The following NF1 variants were observed in gnomAD, a reference collection of about 807,000 sequenced individuals.
NF1 encodes the protein neurofibromin.
Under a neutral mutation model 325.7 loss-of-function variants are expected in NF1, and 122 were observed. The ratio of observed to expected loss-of-function variants is 0.37; its 90% CI spans 0.32 to 0.44. The LOEUF (loss-of-function observed/expected upper bound fraction) is 0.44, where lower values mean the gene tolerates loss of function less well. Among genes scored for constraint, NF1 ranks in the 20% least tolerant of loss-of-function variants. NF1 has a pLI of 1.00. For synonymous variants in NF1, 1,091 were observed against 1,186.0 expected (o/e 0.92, Z 1.65); for missense variants, 2,140 against 3,415.4 (o/e 0.63, Z 9.31).
rs985215479 is a variant in NF1, at chr17:31,367,911, C to T, written c.8378-6102C>T. Among the ~76,000 whole-genome samples the T allele has an allele frequency of 1.8e-4, 27 of 151,072 alleles. 1 individual carries two copies. The highest frequency in any genetic ancestry group is 1.6e-3 in the Admixed American group (24 of 15,166). On this transcript the variant is annotated intron_variant, in intron 57 of 57. Transcript: ENST00000358273. ...CTTTGGTGAGCTGAGATCGCACCAC[C>T]GCACTCCAGCCTGAGTGACAGAGCA...
intron 5 of NF1, among the ~76,000 whole-genome samples, chr17:31,179,830 T>G (rs1413050311): frequency 6.8e-6 from 1 of 146,376 alleles, no homozygotes; most frequent in African/African-American, 2.5e-5. Context: ...TTTGAAAAGA[T>G]CAACAAAATA....
Position 31,356,973 on chromosome 17 carries a change from T to A in NF1, c.7752T>A (p.Ile2584=), listed in dbSNP as rs2151582205. 1 of 1,613,966 alleles carries A rather than the reference T, an allele frequency of 6.2e-7. No individual in the cohort carries two copies. Among genetic ancestry groups the A allele is most frequent in the Non-Finnish European group, 8.5e-7 (1 of 1,179,954 alleles). The change falls in exon 53 of 58, where the codon ATT becomes ATA. Residue 2584 remains isoleucine, a synonymous_variant. Coordinates refer to ENST00000358273, the MANE Select transcript of NF1 (RefSeq NM_001042492.3). ...ATCTTGCTGCAGAAACTCAGAGGAT[T>A]TCCTCATCACAACAGCACCCACATT... ...ETDYEMETQR[I]SSSQQHPHLR...
intron 1 of NF1, among the ~76,000 whole-genome samples, chr17:31,120,126 G>GT (rs1914303257): frequency 6.6e-6 from 1 of 152,116 alleles, no homozygotes; most frequent in Non-Finnish European, 1.5e-5. Flanking sequence ...ATTTAAAGTA[G>GT]TTTTTTCTAA....
At position 31,159,076 on chromosome 17, in the gene NF1, G is replaced by C. The variant is rs2143646461; in HGVS notation, c.271G>C (p.Glu91Gln). The change falls in exon 3 of 58, where the codon GAA becomes CAA. Residue 91 changes from glutamate to glutamine, a missense_variant. By Grantham distance (29) the Glu-to-Gln change is conservative (BLOSUM62 2). This residue lies in a region of NF1 where 246 missense variants were observed against 347.8 expected (regional missense o/e 0.71). Transcript: ENST00000358273. The part of the protein sequence containing the change: ...LSQLIILDTL[E>Q]KCLAGQPKDT... The stretch of plus-strand genomic sequence containing the variant: ...TCAGTTGATTATATTGGATACACTG[G>C]AAAAATGTCTTGCTGGGGTAAGTAA... 1 of 1,608,576 alleles carries C rather than the reference G, an allele frequency of 6.2e-7. No individual in the cohort carries two copies. Among genetic ancestry groups the C allele is most frequent in the Non-Finnish European group, 8.5e-7 (1 of 1,175,260 alleles).
At chr17:31,322,152 C>T (rs1399286739) in intron 36 of NF1, among the ~76,000 whole-genome samples, 4 of 148,332 alleles carry the variant, frequency 2.7e-5, no homozygotes, top group Admixed American at 2.0e-4. Flanking sequence ...CCTGTCATCA[C>T]CTCAAGTTTA....
intron 36 of NF1, chr17:31,318,234 G>A: frequency 6.6e-7 from 1 of 1,522,860 alleles, no homozygotes. Flanking sequence ...CAACACTTTG[G>A]GATTAAATAC....
chr17:31,277,709 G>T (rs1025189569), intron 36 of NF1, among the ~76,000 whole-genome samples: 1 of 152,082 alleles, frequency 6.6e-6, no homozygotes, highest in African/African-American at 2.4e-5. Context: ...GTTTCTGCAG[G>T]GTCCCAGTGG....
chr17:31,298,582 C>T (rs997882248), intron 36 of NF1, among the ~76,000 whole-genome samples: 4 of 152,076 alleles, frequency 2.6e-5, no homozygotes, highest in East Asian at 1.9e-4. Flanking sequence ...TAATGTTCCT[C>T]GAAAAGTATC....
intron 29 of NF1, 94 bp from the exon 30 acceptor site, chr17:31,248,890 G>T: frequency 8.2e-7 from 1 of 1,217,040 alleles, no homozygotes; most frequent in Non-Finnish European, 1.2e-6. Flanking sequence ...CGTTGCACTT[G>T]GCTTAATGTC....
Position 31,277,223 on chromosome 17 carries a change from A to G in NF1, c.4835+11884A>G, listed in dbSNP as rs17883273. Among the ~76,000 whole-genome samples the G allele has an allele frequency of 7.0e-3, 1,063 of 152,242 alleles. 11 individuals carry two copies. The highest frequency in any genetic ancestry group is 0.024 in the Middle Eastern group (7 of 294). The stretch of plus-strand genomic sequence containing the variant: ...GGCAGAGGTGGAAGTAAACCTCTGT[A>G]TAAGTGGATCAGCATGGTTCAAAGC... On this transcript the variant is annotated intron_variant, in intron 36 of 57. Coordinates refer to ENST00000358273, the MANE Select transcript of NF1 (RefSeq NM_001042492.3).
chr17:31,327,920 G>A, intron 38 of NF1, 81 bp downstream of exon 38: 2 of 1,295,900 alleles, frequency 1.5e-6, no homozygotes, highest in Non-Finnish European at 2.2e-6. Context: ...TTTTAAAACA[G>A]CCTCTACCTT....
chr17:31,286,529 C>T (rs576832509), intron 36 of NF1, among the ~76,000 whole-genome samples: 1 of 151,372 alleles, frequency 6.6e-6, no homozygotes, highest in Admixed American at 6.6e-5. Context: ...TTTGTTAAAG[C>T]AAAAAAAATG....
chr17:31,193,691 AAAC>A (rs1489432831), intron 8 of NF1, among the ~76,000 whole-genome samples: 1 of 150,110 alleles, frequency 6.7e-6, no homozygotes, highest in Non-Finnish European at 1.5e-5. Context: ...AAACAAAACA[AAAC>A]AACAACAAAA....
rs372441422 is a variant in NF1 at position 31,357,261 on chromosome 17, C to T, written c.7870-8C>T. Reference sequence around the variant, plus strand: ...ATGTTGTGTGTTTACTTTTTTGCATCTTGGCAGGCTACACTGGTAAAATAT... The same window carrying T: ...ATGTTGTGTGTTTACTTTTTTGCATTTTGGCAGGCTACACTGGTAAAATAT... On this transcript the variant is annotated splice_region_variant and splice_polypyrimidine_tract_variant and intron_variant, in intron 53 of 57. Coordinates refer to ENST00000358273, the MANE Select transcript of NF1 (RefSeq NM_001042492.3). 2 of 1,613,034 alleles carry T rather than the reference C, an allele frequency of 1.2e-6. No individual in the cohort carries two copies. Among genetic ancestry groups the T allele is most frequent in the South Asian group, 1.1e-5 (1 of 91,056 alleles).
intron 8 of NF1, among the ~76,000 whole-genome samples, chr17:31,187,706 T>A (rs980365213): frequency 2.0e-5 from 3 of 152,158 alleles, no homozygotes; most frequent in African/African-American, 7.2e-5. Flanking sequence ...GGTCCAGGAA[T>A]CACTCACCAT....
intron 34 of NF1, 67 bp from the exon 35 acceptor site, chr17:31,261,644 G>A: frequency 1.3e-6 from 2 of 1,580,344 alleles, no homozygotes; most frequent in Non-Finnish European, 8.7e-7. Flanking sequence ...CCAGTTACAA[G>A]TTAAAGAAAT....
intron 50 of NF1, 81 bp from the exon 51 acceptor site, chr17:31,352,176 G>T (rs1406703683): frequency 1.1e-5 from 14 of 1,328,884 alleles, no homozygotes; most frequent in Non-Finnish European, 1.5e-5. Flanking sequence ...TAGGAAATAG[G>T]ACAGCCACTT....
rs1253918960 is a variant in NF1 at position 31,375,910 on chromosome 17, A to G, written c.*1755A>G. 4.3e-6 allele frequency: 1 copy of G among 232,876 alleles called. No homozygotes were observed. The highest frequency in any genetic ancestry group is 2.2e-5 in the African/African-American group (1 of 45,312). The allele number at this position is 232,876 out of a possible 1,614,324, so 14.4% of individuals were successfully genotyped here. On this transcript the variant is annotated 3_prime_UTR_variant, in exon 58 of 58. Coordinates refer to ENST00000358273, the MANE Select transcript of NF1 (RefSeq NM_001042492.3). ...TATTTGCCAAAATAAGAGGAAAGAAAACCTTAGTATTATTAATGAGTTTAC... is the reference window on the plus strand; with the variant it reads ...TATTTGCCAAAATAAGAGGAAAGAAGACCTTAGTATTATTAATGAGTTTAC...
At chr17:31,129,784 A>G (rs927412406) in intron 1 of NF1, among the ~76,000 whole-genome samples, 2 of 152,136 alleles carry the variant, frequency 1.3e-5, no homozygotes, top group Non-Finnish European at 1.5e-5. Context: ...ATTCTTTTCT[A>G]TACTGGCTAT....
Sources: allele counts gnomAD v4.1 joint callset (sites outside exome capture counted in the v4.1 genomes callset), GRCh38; gene constraint gnomAD v4.1.1; regional missense constraint gnomAD v4.1.1; transcripts MANE v1.5; gene names NCBI Gene and HGNC (gene_info 2026-07-23, HGNC 2026-07-21).